The following LRRC3B variants were observed in gnomAD, a reference collection of about 807,000 sequenced individuals.
LRRC3B encodes leucine-rich repeat-containing protein 3B.
Under a neutral mutation model 12.8 loss-of-function variants are expected in LRRC3B, and 2 were observed. The observed-to-expected ratio is 0.16, with a 90% CI of 0.06 to 0.49. LRRC3B has a LOEUF of 0.49. LRRC3B is among the 20% of genes least tolerant of loss of function. LRRC3B has a pLI of 0.96. For synonymous variants in LRRC3B, 132 were observed against 122.0 expected (o/e 1.08, Z -0.54); for missense variants, 189 against 319.4 (o/e 0.59, Z 3.11).
rs1332561396 is a variant in LRRC3B, at chr3:26,643,245, CAT to C, written c.-161+20011_-161+20012del. On this transcript the variant is annotated intron_variant, in intron 1 of 1. Coordinates refer to ENST00000396641, the Ensembl canonical transcript of LRRC3B. ...ATGGTGATGTGGTTTTGTATACACA[CAT>C]ATGTGTGAGTGTGTGTGTGTGTGTG... is the stretch of plus-strand genomic sequence containing the variant. Among the ~76,000 whole-genome samples, 7 of 138,476 alleles carry C rather than the reference CAT, an allele frequency of 5.1e-5. No individual in the cohort carries two copies. The South Asian group carries it at 7.7e-4, about 15-fold the overall frequency. The allele number at this position is 138,476 out of a possible 152,430, so 90.8% of individuals were successfully genotyped here. A position where few individuals can be genotyped will look rare whatever the true frequency, so the allele number is the denominator to read the frequency against.
intron 1 of LRRC3B, among the ~76,000 whole-genome samples, chr3:26,638,267 T>C (rs1463727307): frequency 1.3e-5 from 2 of 152,260 alleles, no homozygotes; most frequent in South Asian, 2.1e-4. Context: ...AAAAAAAATT[T>C]CAGGATTTGT....
intron 1 of LRRC3B, among the ~76,000 whole-genome samples, chr3:26,628,311 A>G (rs995199047): frequency 1.1e-4 from 16 of 152,038 alleles, no homozygotes; most frequent in African/African-American, 3.9e-4. Context: ...AGTCTTGGGT[A>G]AGATATTTGA....
intron 1 of LRRC3B, among the ~76,000 whole-genome samples, chr3:26,645,555 T>C (rs114810549): frequency 6.6e-6 from 1 of 151,930 alleles, no homozygotes; most frequent in Non-Finnish European, 1.5e-5. Context: ...TCTATATCTA[T>C]ATATATATAG....
chr3:26,642,402 T>C (rs1336882155), intron 1 of LRRC3B, among the ~76,000 whole-genome samples: 1 of 152,122 alleles, frequency 6.6e-6, no homozygotes, highest in East Asian at 1.9e-4. Context: ...GGGAGAAAGA[T>C]GAAGGCCTGC....
intron 1 of LRRC3B, among the ~76,000 whole-genome samples, chr3:26,650,494 G>C (rs1024314891): frequency 1.3e-5 from 2 of 152,174 alleles, no homozygotes; most frequent in Non-Finnish European, 2.9e-5. Flanking sequence ...ACTGAGGTCA[G>C]AGCAGTGGGA....
chr3:26,635,741 CTT>C (rs1698855019), intron 1 of LRRC3B, among the ~76,000 whole-genome samples: 2 of 152,212 alleles, frequency 1.3e-5, no homozygotes, highest in South Asian at 4.1e-4. Context: ...GTAAGCATCT[CTT>C]GGGATAAAAA....
chr3:26,650,165 C>T (rs1699237189), intron 1 of LRRC3B, among the ~76,000 whole-genome samples: 1 of 152,230 alleles, frequency 6.6e-6, no homozygotes, highest in South Asian at 2.1e-4. Flanking sequence ...TGTGTCTCCA[C>T]TTACTGCCTA....
At chr3:26,682,335 A>C (rs1223123311) in intron 1 of LRRC3B, among the ~76,000 whole-genome samples, 11 of 152,022 alleles carry the variant, frequency 7.2e-5, no homozygotes. Context: ...CTTGCCTCTC[A>C]TTACTGCCAC....
At position 26,709,493 on chromosome 3, in the gene LRRC3B, T is replaced by C; in HGVS notation, c.-160-20T>C. On this transcript the variant is annotated intron_variant, in intron 1 of 1. Transcript: ENST00000396641. ...TCCCTTTGCAAAGGAACTAATTGCA[T>C]CTGTTTCTCTTTCCTTTAGGTGCCC... is the stretch of plus-strand genomic sequence containing the variant. 1.6e-6 allele frequency: 1 copy of C among 630,006 alleles called. No individual in the cohort carries two copies. Among genetic ancestry groups the C allele is most frequent in the Middle Eastern group, 3.6e-4 (1 of 2,766 alleles). The allele number at this position is 630,006 out of a possible 1,614,324, so 39.0% of individuals were successfully genotyped here.
At chr3:26,635,485 A>G (rs571371510) in intron 1 of LRRC3B, among the ~76,000 whole-genome samples, 88 of 152,282 alleles carry the variant, frequency 5.8e-4, no homozygotes, top group Non-Finnish European at 9.8e-4. Flanking sequence ...AACAGAAAGC[A>G]TGCTTCCTCT....
intron 1 of LRRC3B, chr3:26,694,449 T>A (rs1056909033): frequency 5.9e-5 from 9 of 152,188 alleles, no homozygotes; most frequent in African/African-American, 2.2e-4. Flanking sequence ...CTCAGACACC[T>A]AACTTTCCAT....
In LRRC3B at chr3:26,709,566, T is replaced by C. The variant is rs1700696239; in HGVS notation, c.-107T>C. 1.1e-5 allele frequency: 13 copies of C among 1,158,426 alleles called. 1 individual carries two copies. Among genetic ancestry groups the C allele is most frequent in the Non-Finnish European group, 1.5e-5 (12 of 807,554 alleles). The allele number at this position is 1,158,426 out of a possible 1,614,324, so 71.8% of individuals were successfully genotyped here. On this transcript the variant is annotated 5_prime_UTR_variant, in exon 2 of 2. Transcript: ENST00000396641. The stretch of plus-strand genomic sequence containing the variant: ...GAGACACATGTGTTAGCTGCAGCCT[T>C]TTGAAACACGCAAGAAGGAAATCAA...
chr3:26,675,152 A>C (rs1260458633), intron 1 of LRRC3B, among the ~76,000 whole-genome samples: 2 of 152,220 alleles, frequency 1.3e-5, no homozygotes, highest in African/African-American at 4.8e-5. Flanking sequence ...GCATATAAGT[A>C]GATACCTATA....
intron 1 of LRRC3B, among the ~76,000 whole-genome samples, chr3:26,655,817 G>A (rs1343445987): frequency 1.3e-5 from 2 of 152,064 alleles, no homozygotes; most frequent in Admixed American, 6.6e-5. Flanking sequence ...GCCAGGTACT[G>A]GGCCAAGGTC....
chr3:26,669,865 T>C (rs2125429915), intron 1 of LRRC3B, among the ~76,000 whole-genome samples: 1 of 152,330 alleles, frequency 6.6e-6, no homozygotes, highest in East Asian at 1.9e-4. Context: ...TTCAGTTCAA[T>C]TAGGTTCAGT....
chr3:26,653,365 A>G (rs962189399), intron 1 of LRRC3B, among the ~76,000 whole-genome samples: 1 of 152,158 alleles, frequency 6.6e-6, no homozygotes, highest in Non-Finnish European at 1.5e-5. Context: ...TTTTACAGAC[A>G]GGAACAAAGA....
rs186407612 is a variant in LRRC3B at position 26,641,189 on chromosome 3, A to G, written c.-161+17952A>G. ...AGAAATCGGGACTGGTGTGAAGAGA[A>G]GCAAGGGCAAACTAGAACCTATGAG... is the stretch of plus-strand genomic sequence containing the variant. On this transcript the variant is annotated intron_variant, in intron 1 of 1. Transcript: ENST00000396641. 3.7e-3 allele frequency among the ~76,000 whole-genome samples: 571 copies of G among 152,272 alleles called. 2 individuals are homozygous for G. The highest frequency in any genetic ancestry group is 5.6e-3 in the Non-Finnish European group (382 of 68,028).
At chr3:26,700,391 A>T (rs1201311507) in intron 1 of LRRC3B, among the ~76,000 whole-genome samples, 1 of 152,174 alleles carries the variant, frequency 6.6e-6, no homozygotes, top group Non-Finnish European at 1.5e-5. Context: ...ATGTTAAATG[A>T]GACCTGTTCT....
At chr3:26,667,240 G>A (rs1699625265) in intron 1 of LRRC3B, among the ~76,000 whole-genome samples, 1 of 151,714 alleles carries the variant, frequency 6.6e-6, no homozygotes, top group Admixed American at 6.6e-5. Context: ...ACTAACACTT[G>A]ATGTCCACTA....
Sources: allele counts gnomAD v4.1 joint callset (sites outside exome capture counted in the v4.1 genomes callset), GRCh38; gene constraint gnomAD v4.1.1; transcripts MANE v1.5; gene names NCBI Gene and HGNC (gene_info 2026-07-23, HGNC 2026-07-21).